The following WDR38 variants were observed in gnomAD, a reference collection of about 807,000 sequenced individuals.
The protein encoded by WDR38 is WD repeat-containing protein 38.
Under a neutral mutation model 36.6 loss-of-function variants are expected in WDR38, and 37 were observed. The ratio of observed to expected loss-of-function variants is 1.01; its 90% confidence interval spans 0.78 to 1.33. The LOEUF is 1.33. Among genes scored for constraint, WDR38 ranks in the 40% most tolerant of loss-of-function variants. WDR38 has a pLI of 0.00. For synonymous variants in WDR38, 164 were observed against 168.1 expected, an observed-to-expected ratio of 0.98 and a Z score of 0.19; for missense variants, 411 against 414.6, an observed-to-expected ratio of 0.99 and a Z score of 0.07.
At position 124,853,528 on chromosome 9, in the gene WDR38, GC is replaced by G; in HGVS notation, c.-1del. 1 of 1,244,684 alleles carries G rather than the reference GC, an allele frequency of 8.0e-7. No homozygotes were observed. The highest frequency in any genetic ancestry group is 2.8e-4 in the Middle Eastern group (1 of 3,554). 77.1% of individuals were successfully genotyped at this position (1,244,684 alleles called of 1,614,324 possible). A position where few individuals can be genotyped will look rare whatever the true frequency, so the allele number is the denominator to read the frequency against. ...CCGCCGGGGCGGGGCGGGGCCGGGT[GC>G]CCATGAACAGCGGGGTCCCGGCCAC... On this transcript the variant is annotated 5_prime_UTR_variant, in exon 1 of 9. Coordinates refer to ENST00000373574, the MANE Select transcript of WDR38 (RefSeq NM_001045476.3).
intron 2 of WDR38, 101 bp from the exon 3 acceptor site, chr9:124,855,533 G>A: frequency 8.3e-7 from 1 of 1,211,766 alleles, no homozygotes; most frequent in Non-Finnish European, 1.2e-6. Context: ...GTTTGGGTGA[G>A]GGGAGGCTGG....
At chr9:124,856,395 T>C in intron 5 of WDR38, 74 bp from the exon 6 acceptor site, 4 of 1,613,082 alleles carry the variant, frequency 2.5e-6, no homozygotes, top group East Asian at 4.5e-5. Context: ...GGGAAGGGGA[T>C]GGACTCTGGG....
intron 1 of WDR38, among the ~76,000 whole-genome samples, chr9:124,853,921 G>A (rs987675801): frequency 6.6e-6 from 1 of 152,176 alleles, no homozygotes; most frequent in Admixed American, 6.5e-5. Context: ...AGAACTTAGA[G>A]TAGATTCTGG....
At chr9:124,856,689 C>T (rs1588033494) in intron 6 of WDR38, 43 bp from the exon 7 acceptor site, 2 of 1,613,512 alleles carry the variant, frequency 1.2e-6, no homozygotes, top group East Asian at 2.2e-5. Context: ...CCAGTGAGCT[C>T]ACAGGCCCCA....
rs573752943 is a variant in WDR38 at position 124,857,684 on chromosome 9, G to C, written c.*54G>C. The C allele has an allele frequency of 1.3e-5, 21 of 1,607,974 alleles. No homozygotes were observed. Among genetic ancestry groups the C allele is most frequent in the Middle Eastern group, 3.3e-4 (2 of 6,042 alleles). ...CACCCGCTCCCCTCAGTGGCGCACA[G>C]GCATGCCGCTTCTCCCCACAGACGC... On this transcript the variant is annotated 3_prime_UTR_variant, in exon 9 of 9. Transcript: ENST00000373574.
chr9:124,853,697 G>A (rs3814132), intron 1 of WDR38, 97 bp downstream of exon 1: 408,527 of 955,772 alleles, frequency 0.43, 89,607 homozygotes, highest in East Asian at 0.59. Flanking sequence ...TCTGGGCAGT[G>A]GCTCAGGACA....
chr9:124,854,075 GC>G, intron 1 of WDR38, 129 bp from the exon 2 acceptor site: 1 of 1,456,064 alleles, frequency 6.9e-7, no homozygotes, highest in South Asian at 1.3e-5. Flanking sequence ...CGGGTTCTGG[GC>G]TCTGGTGGTG....
At position 124,857,707 on chromosome 9, in the gene WDR38, C is replaced by T. The variant is rs907409541; in HGVS notation, c.*77C>T. 2.6e-5 allele frequency: 42 copies of T among 1,592,842 alleles called. No individual in the cohort carries two copies. The African/African-American group carries it at 3.7e-4, about 14-fold the overall frequency. ...CAGGCATGCCGCTTCTCCCCACAGACGCAAAGTGACTGTGCTGGCATCCAG... is the reference window on the plus strand; with the variant it reads ...CAGGCATGCCGCTTCTCCCCACAGATGCAAAGTGACTGTGCTGGCATCCAG... On this transcript the variant is annotated 3_prime_UTR_variant, in exon 9 of 9. Coordinates refer to ENST00000373574, the MANE Select transcript of WDR38 (RefSeq NM_001045476.3).
intron 2 of WDR38, among the ~76,000 whole-genome samples, chr9:124,854,983 C>G (rs1468228954): frequency 6.6e-6 from 1 of 152,162 alleles, no homozygotes; most frequent in East Asian, 1.9e-4. Context: ...TAAACAAGTC[C>G]CCAATCTCCC....
chr9:124,856,912 C>T (rs1165009151), intron 7 of WDR38, 31 bp downstream of exon 7: 1 of 1,611,752 alleles, frequency 6.2e-7, no homozygotes, highest in Non-Finnish European at 8.5e-7. Flanking sequence ...CTGCTCCTAC[C>T]TACCCATCCT....
Position 124,854,327 on chromosome 9 carries a change from T to C in WDR38, c.190+2T>C. The C allele has an allele frequency of 6.2e-7, 1 of 1,613,194 alleles. No individual in the cohort carries two copies. ...TGTGGAGGCTGGGTGGCCACACAGG[T>C]GGGGCTCCCACACCTGGCCGGGAAG... On this transcript the variant is annotated splice_donor_variant, in intron 2 of 8. Transcript: ENST00000373574. LOFTEE classifies it high-confidence loss of function.
intron 2 of WDR38, among the ~76,000 whole-genome samples, chr9:124,854,702 T>A (rs1829002865): frequency 6.6e-6 from 1 of 152,100 alleles, no homozygotes; most frequent in Non-Finnish European, 1.5e-5. Context: ...TAGCTGGAAT[T>A]ATAGACACCT....
rs1168954005 is a variant in WDR38, at chr9:124,856,609, G to T, written c.618+9G>T. The T allele has an allele frequency of 6.2e-7, 1 of 1,613,678 alleles. No individual in the cohort carries two copies. Among genetic ancestry groups the T allele is most frequent in the African/African-American group, 1.3e-5 (1 of 75,038 alleles). The stretch of plus-strand genomic sequence containing the variant: ...CAGCATCCGGCCTCCTGGTAAGTGG[G>T]GTGTCCTGGGTTCCAGGCTGGTCCC... On this transcript the variant is annotated intron_variant, in intron 6 of 8. Coordinates refer to ENST00000373574, the MANE Select transcript of WDR38 (RefSeq NM_001045476.3).
In WDR38 at chr9:124,856,834, TTC is replaced by T; in HGVS notation, c.726_727del (p.Pro243ArgfsTer26). 6.2e-7 allele frequency: 1 copy of T among 1,614,178 alleles called. No homozygotes were observed. Among genetic ancestry groups the T allele is most frequent in the East Asian group, 2.2e-5 (1 of 44,880 alleles). On this transcript the variant is annotated frameshift_variant, in exon 7 of 9. Coordinates refer to ENST00000373574, the MANE Select transcript of WDR38 (RefSeq NM_001045476.3). LOFTEE classifies it high-confidence loss of function. ...GHVTWVKSIA[F>X]SPDELWLASA... is the part of the protein sequence containing the mutation. ...TGTCACCTGGGTGAAGAGCATAGCC[TTC>T]TCTCCCGACGAGCTGTGGCTGGCCA...
Position 124,854,204 on chromosome 9 carries a change from G to A in WDR38, c.70-1G>A, listed in dbSNP as rs1256138502. The A allele has an allele frequency of 1.2e-6, 2 of 1,613,946 alleles. No individual in the cohort carries two copies. The highest frequency in any genetic ancestry group is 2.2e-5 in the East Asian group (1 of 44,886). On this transcript the variant is annotated splice_acceptor_variant, in intron 1 of 8. Coordinates refer to ENST00000373574, the MANE Select transcript of WDR38 (RefSeq NM_001045476.3). LOFTEE classifies it high-confidence loss of function. ...TGGGACCGCTTTTGTGCTGTTTCTA[G>A]GTCAACTCTTCTGCCTTCTCCCCTG...
In WDR38 at chr9:124,855,728, G is replaced by T. The variant is rs763720081; in HGVS notation, c.285G>T (p.Ala95=). 1 of 1,613,244 alleles carries T rather than the reference G, an allele frequency of 6.2e-7. No homozygotes were observed. The change falls in exon 3 of 9, where the codon GCG becomes GCT. Residue 95 remains alanine, a synonymous_variant. Coordinates refer to ENST00000373574, the MANE Select transcript of WDR38 (RefSeq NM_001045476.3). ...CTVRLWDVAR[A]KCLRVLKGHQ... ...TCCGCCTGTGGGATGTGGCAAGAGC[G>T]AAGTGTCTGCGGGTCCTGAAGGGTG...
rs753580769 is a variant in WDR38 at position 124,857,350 on chromosome 9, C to CG, written c.769-14_769-13insG. 8.1e-6 allele frequency: 13 copies of CG among 1,613,548 alleles called. No homozygotes were observed. The highest frequency in any genetic ancestry group is 6.6e-5 in the South Asian group (6 of 91,030). On this transcript the variant is annotated splice_polypyrimidine_tract_variant and intron_variant, in intron 7 of 8. Coordinates refer to ENST00000373574, the MANE Select transcript of WDR38 (RefSeq NM_001045476.3). ...CCTGGTGAGGCTTCCTGACATGCCC[C>CG]CCTCCTTTTCCAGGTCAAAGTCTGG...
Position 124,857,359 on chromosome 9 carries a change from T to C in WDR38, c.769-5T>C. On this transcript the variant is annotated splice_polypyrimidine_tract_variant and splice_region_variant and intron_variant, in intron 7 of 8. Coordinates refer to ENST00000373574, the MANE Select transcript of WDR38 (RefSeq NM_001045476.3). ...GCTTCCTGACATGCCCCCCTCCTTT[T>C]CCAGGTCAAAGTCTGGGACTGCAAC... is the stretch of plus-strand genomic sequence containing the variant. 7 of 1,614,050 alleles carry C rather than the reference T, an allele frequency of 4.3e-6. No homozygotes were observed. Among genetic ancestry groups the C allele is most frequent in the Non-Finnish European group, 5.1e-6 (6 of 1,180,016 alleles).
At chr9:124,853,720 T>A in intron 1 of WDR38, 120 bp downstream of exon 1, 1 of 755,242 alleles carries the variant, frequency 1.3e-6, no homozygotes, top group Non-Finnish European at 1.8e-6. Context: ...GAGTCCAGAG[T>A]AGACTTTGCT....
Sources: gnomAD v4.1 joint callset for allele counts (sites outside exome capture counted in the v4.1 genomes callset) on GRCh38, gnomAD v4.1.1 for gene constraint, MANE v1.5 for transcripts, NCBI Gene and HGNC (gene_info 2026-07-23, HGNC 2026-07-21) for gene names.